The following ST3GAL3 variants were observed in gnomAD, a reference collection of about 807,000 sequenced individuals.
ST3GAL3 encodes the protein ST3 beta-galactoside alpha-2,3-sialyltransferase 3.
A neutral mutation model predicts 50.1 loss-of-function variants in ST3GAL3; 21 were observed. The observed-to-expected ratio is 0.42, with a 90% CI of 0.30 to 0.60. The LOEUF (loss-of-function observed/expected upper bound fraction) is 0.60. Ranked by LOEUF, ST3GAL3 falls within the 20% of genes least tolerant of loss-of-function variation. The probability of loss-of-function intolerance (pLI) is 0.19; values close to 1 mark genes in which losing one functional copy is unlikely to be tolerated. For missense variants in ST3GAL3, 353 were observed against 489.4 expected, an observed-to-expected ratio of 0.72 and a Z score of 2.63; for synonymous variants, 183 against 190.0, an observed-to-expected ratio of 0.96 and a Z score of 0.30.
intron 5 of ST3GAL3, among the ~76,000 whole-genome samples, chr1:43,857,489 T>TTCCG (rs1411024728): frequency 6.7e-6 from 1 of 148,436 alleles, no homozygotes; most frequent in Non-Finnish European, 1.5e-5. Context: ...CCTTCCTTCC[T>TTCCG]TCCTTCCTTC....
At chr1:43,834,019 G>A (rs1057116439) in intron 4 of ST3GAL3, among the ~76,000 whole-genome samples, 3 of 151,806 alleles carry the variant, frequency 2.0e-5, no homozygotes, top group Non-Finnish European at 2.9e-5. Context: ...AAATTAGCCG[G>A]GCGCGGTGGC....
intron 1 of ST3GAL3, among the ~76,000 whole-genome samples, chr1:43,726,687 C>T (rs1291981760): frequency 3.3e-5 from 5 of 152,172 alleles, no homozygotes; most frequent in African/African-American, 9.7e-5. Context: ...CTCCGCCTGC[C>T]GAGTTCAAGC....
intron 5 of ST3GAL3, among the ~76,000 whole-genome samples, chr1:43,891,735 A>G (rs1284108887): frequency 6.6e-6 from 1 of 152,132 alleles, no homozygotes; most frequent in African/African-American, 2.4e-5. Context: ...TATTCTGCAA[A>G]TGGGTAAATA....
rs537635531 is a variant in ST3GAL3, at chr1:43,790,451, C to T, written c.119-1651C>T. Among the ~76,000 whole-genome samples the T allele has an allele frequency of 2.0e-5, 3 of 152,120 alleles. No homozygotes were observed. In the South Asian group the frequency reaches 6.2e-4, roughly 32 times the overall value. ...CTGATCCCTTTTGAGTCTGGGGTTT[C>T]TTGGGTTATCTTGGGCCTTACATCA... On this transcript the variant is annotated intron_variant, in intron 2 of 11. Coordinates refer to ENST00000347631, the MANE Select transcript of ST3GAL3 (RefSeq NM_006279.5).
At chr1:43,773,908 T>C (rs192319294) in intron 2 of ST3GAL3, among the ~76,000 whole-genome samples, 1 of 152,298 alleles carries the variant, frequency 6.6e-6, no homozygotes, top group Admixed American at 6.5e-5. Flanking sequence ...ATCACCTACA[T>C]AGTGTCTGTG....
chr1:43,855,984 C>T (rs768288400), intron 5 of ST3GAL3, among the ~76,000 whole-genome samples: 14 of 152,212 alleles, frequency 9.2e-5, no homozygotes, highest in Non-Finnish European at 1.6e-4. Context: ...CAAAGGGAAA[C>T]GTATAAACAC....
At position 43,899,856 on chromosome 1, in the gene ST3GAL3, C is replaced by A; in HGVS notation, c.744+129C>A. 2.0e-6 allele frequency: 2 copies of A among 997,846 alleles called. No individual in the cohort carries two copies. Among genetic ancestry groups the A allele is most frequent in the Non-Finnish European group, 3.1e-6 (2 of 649,782 alleles). 61.8% of individuals were successfully genotyped at this position (997,846 alleles called of 1,614,324 possible). A position where few individuals can be genotyped will look rare whatever the true frequency, so the allele number is the denominator to read the frequency against. On this transcript the variant is annotated intron_variant, in intron 9 of 11. Transcript: ENST00000347631. This position sits in a 1 kb window ranked among gnomAD's most constrained non-coding sequence, Gnocchi z 5.4. ...AAAGGAAACATTAATGACCCAAAGC[C>A]GAAATCACCCAATGGCAACCAGGGG...
At chr1:43,744,168 T>C (rs922364710) in intron 2 of ST3GAL3, among the ~76,000 whole-genome samples, 2 of 152,228 alleles carry the variant, frequency 1.3e-5, no homozygotes, top group Admixed American at 1.3e-4. Flanking sequence ...ATTTTTTGTA[T>C]GTAGGTGTTT....
At chr1:43,770,434 G>T (rs551079321) in intron 2 of ST3GAL3, among the ~76,000 whole-genome samples, 16 of 152,276 alleles carry the variant, frequency 1.1e-4, no homozygotes, top group African/African-American at 3.6e-4. Flanking sequence ...GACTTGTTGA[G>T]ATGGGACTAG....
chr1:43,904,087 G>A (rs1301327509), intron 9 of ST3GAL3, among the ~76,000 whole-genome samples: 1 of 152,094 alleles, frequency 6.6e-6, no homozygotes, highest in Admixed American at 6.5e-5. Context: ...TTTTCTGTCA[G>A]GCTGTAGGAC....
intron 11 of ST3GAL3, among the ~76,000 whole-genome samples, chr1:43,929,311 T>TTA (rs34480554): frequency 0.68 from 86,228 of 126,904 alleles, 29,210 homozygotes; most frequent in Non-Finnish European, 0.8. Context: ...TTAATTATTA[T>TTA]TTTTTTTTTT....
rs553103571 is a variant in ST3GAL3 at position 43,859,750 on chromosome 1, A to G, written c.302+21439A>G. ...AGGCATGTGCTTGAGGCCTGAGCTC[A>G]GAAACCAGCTCTGATGAGGGCTGGC... On this transcript the variant is annotated intron_variant, in intron 5 of 11. Coordinates refer to ENST00000347631, the MANE Select transcript of ST3GAL3 (RefSeq NM_006279.5). Among the ~76,000 whole-genome samples the G allele has an allele frequency of 2.0e-5, 3 of 152,314 alleles. No individual in the cohort carries two copies. The East Asian group carries it at 5.8e-4, about 29-fold the overall frequency.
At chr1:43,917,669 T>TTATATA (rs56284215) in intron 9 of ST3GAL3, among the ~76,000 whole-genome samples, 1 of 91,182 alleles carries the variant, frequency 1.1e-5, no homozygotes, top group Non-Finnish European at 2.0e-5. Context: ...ATAATATATA[T>TTATATA]TATATATATA....
At chr1:43,778,036 A>G (rs1697939708) in intron 2 of ST3GAL3, among the ~76,000 whole-genome samples, 2 of 152,240 alleles carry the variant, frequency 1.3e-5, no homozygotes, top group Non-Finnish European at 2.9e-5. Context: ...CCAGATGCCA[A>G]TCAATGATAG....
chr1:43,757,413 A>G (rs2154117130), intron 2 of ST3GAL3, among the ~76,000 whole-genome samples: 1 of 152,364 alleles, frequency 6.6e-6, no homozygotes, highest in East Asian at 1.9e-4. Flanking sequence ...AACTTATCAT[A>G]AAGCCAGCAG....
At chr1:43,852,279 A>G (rs1037801720) in intron 5 of ST3GAL3, among the ~76,000 whole-genome samples, 1 of 152,208 alleles carries the variant, frequency 6.6e-6, no homozygotes, top group African/African-American at 2.4e-5. Context: ...AGTAGGTCCA[A>G]AGGAACTCAG....
chr1:43,848,700 T>C (rs1015281562), intron 5 of ST3GAL3, among the ~76,000 whole-genome samples: 3 of 152,214 alleles, frequency 2.0e-5, no homozygotes, highest in African/African-American at 7.2e-5. Flanking sequence ...TTTTATTCTT[T>C]GTAATCACAT....
chr1:43,727,240 C>T (rs1673367795), intron 1 of ST3GAL3: 1 of 151,904 alleles, frequency 6.6e-6, no homozygotes, highest in South Asian at 2.1e-4. Context: ...TACCTTACGC[C>T]TTCTCTGCCC....
chr1:43,724,368 A>AC (rs999564569), intron 1 of ST3GAL3, among the ~76,000 whole-genome samples: 4 of 145,606 alleles, frequency 2.7e-5, no homozygotes, highest in African/African-American at 1.0e-4. Flanking sequence ...TCACCACCAC[A>AC]CCTGGCTATT....
Sources: gnomAD v4.1 joint callset for allele counts (sites outside exome capture counted in the v4.1 genomes callset) on GRCh38, gnomAD v4.1.1 for gene constraint, Gnocchi (gnomAD v3.1) non-coding constraint, MANE v1.5 for transcripts, NCBI Gene and HGNC (gene_info 2026-07-23, HGNC 2026-07-21) for gene names.